Variants in ARNT2 observed in about 807,000 individuals in gnomAD.
ARNT2 encodes ARNT protein 2.
Under a neutral mutation model 91.7 loss-of-function variants are expected in ARNT2, and 36 were observed. The ratio of observed to expected loss-of-function variants is 0.39; its 90% CI spans 0.30 to 0.52. ARNT2 has a LOEUF of 0.52. ARNT2 is among the 20% of genes least tolerant of loss of function. The pLI, the probability that ARNT2 is intolerant of heterozygous loss-of-function variation, is 0.72. For synonymous variants in ARNT2, 365 were observed against 347.1 expected (o/e 1.05, Z -0.57); for missense variants, 775 against 939.3 (o/e 0.83, Z 2.29).
At chr15:80,441,166 ATAAATTGATCAG>A (rs1343240083) in intron 1 of ARNT2, 10 of 970,750 alleles carry the variant, frequency 1.0e-5, no homozygotes, top group Non-Finnish European at 1.2e-5. Flanking sequence ...TTTGCTGCAA[ATAAATTGATCAG>A]TATGCAAGAC....
intron 2 of ARNT2, among the ~76,000 whole-genome samples, chr15:80,457,462 C>G (rs1896496958): frequency 6.6e-6 from 1 of 152,196 alleles, no homozygotes; most frequent in Non-Finnish European, 1.5e-5. Flanking sequence ...ACCCTGAAAA[C>G]TTCTGTTTTC....
chr15:80,582,957 A>G (rs1183031631), intron 17 of ARNT2, among the ~76,000 whole-genome samples: 1 of 152,146 alleles, frequency 6.6e-6, no homozygotes, highest in Non-Finnish European at 1.5e-5. Context: ...GGTGGGCCTC[A>G]TAGACTCAAG....
intron 1 of ARNT2, among the ~76,000 whole-genome samples, chr15:80,416,306 GTCTC>G (rs943652525): frequency 7.5e-5 from 11 of 147,386 alleles, no homozygotes; most frequent in Non-Finnish European, 1.3e-4. Flanking sequence ...TTTTTTCTCT[GTCTC>G]TCTCTCTCTC....
intron 5 of ARNT2, among the ~76,000 whole-genome samples, chr15:80,495,497 C>A (rs1283660697): frequency 6.6e-6 from 1 of 152,202 alleles, no homozygotes; most frequent in East Asian, 1.9e-4. Context: ...TTTTCCTAGG[C>A]AGTTCCGGGA....
chr15:80,529,215 T>C (rs1036847805), intron 8 of ARNT2, among the ~76,000 whole-genome samples: 4 of 152,236 alleles, frequency 2.6e-5, no homozygotes, highest in Non-Finnish European at 5.9e-5. Flanking sequence ...TTGCCATTGC[T>C]AGCCTGCCCT....
chr15:80,482,725 C>G (rs1896909028), intron 5 of ARNT2, among the ~76,000 whole-genome samples: 1 of 151,980 alleles, frequency 6.6e-6, no homozygotes, highest in Non-Finnish European at 1.5e-5. Context: ...CCTGTGTAGT[C>G]TAGTGGAGCA....
intron 7 of ARNT2, 152 bp downstream of exon 7, chr15:80,514,128 C>G: frequency 1.0e-6 from 1 of 964,758 alleles, no homozygotes; most frequent in Non-Finnish European, 1.6e-6. Flanking sequence ...TGAGAGAGAA[C>G]AGGGAGTTGG....
At chr15:80,420,842 C>A (rs77564310) in intron 1 of ARNT2, among the ~76,000 whole-genome samples, 20,536 of 152,030 alleles carry the variant, frequency 0.14, 1,744 homozygotes, top group Non-Finnish European at 0.19. Context: ...AAAGCACGGA[C>A]CTTGGGTAAC....
intron 10 of ARNT2, 111 bp from the exon 11 acceptor site, chr15:80,554,954 G>A: frequency 1.6e-6 from 2 of 1,220,274 alleles, no homozygotes; most frequent in Admixed American, 1.7e-5. Context: ...GGTGGGACAG[G>A]CTAAAGGAGA....
chr15:80,568,946 A>C (rs1018726376), intron 12 of ARNT2, among the ~76,000 whole-genome samples: 2 of 152,148 alleles, frequency 1.3e-5, no homozygotes, highest in African/African-American at 2.4e-5. Flanking sequence ...GCGCACACAC[A>C]CGCGCGTGCA....
intron 1 of ARNT2, among the ~76,000 whole-genome samples, chr15:80,412,491 A>G (rs1251211479): frequency 1.2e-5 from 1 of 85,954 alleles, no homozygotes; most frequent in African/African-American, 4.0e-5. Flanking sequence ...TTTTTTCTAA[A>G]TATTGTGTGT....
rs141580271 is a variant in ARNT2 at position 80,562,946 on chromosome 15, CTCTTACTG to C, written c.1165-137_1165-130del. 1.7e-3 allele frequency: 1,541 copies of C among 899,650 alleles called. 18 individuals carry two copies. In the African/African-American group the frequency reaches 0.021, roughly 13 times the overall value. 55.7% of individuals were successfully genotyped at this position (899,650 alleles called of 1,614,324 possible). ...TTCCCATTGCAAAACTGCTCTCCCT[CTCTTACTG>C]TCTTTTAGCCACAATGCCCCTATTC... On this transcript the variant is annotated intron_variant, in intron 11 of 18. Transcript: ENST00000303329.
Position 80,404,632 on chromosome 15 carries a change from C to CG in ARNT2, c.31+91dup. 1 of 919,892 alleles carries CG rather than the reference C, an allele frequency of 1.1e-6. No homozygotes were observed. The highest frequency in any genetic ancestry group is 1.1e-4 in the East Asian group (1 of 9,218). 57.0% of individuals were successfully genotyped at this position (919,892 alleles called of 1,614,324 possible). A position where few individuals can be genotyped will look rare whatever the true frequency, so the allele number is the denominator to read the frequency against. On this transcript the variant is annotated intron_variant, in intron 1 of 18. Coordinates refer to ENST00000303329, the MANE Select transcript of ARNT2 (RefSeq NM_014862.4). This position sits in a 1 kb window ranked among gnomAD's most constrained non-coding sequence, Gnocchi z 5.5. ...GCGGACCAGGCGCGCCGGGCGCCCC[C>CG]GGGGGCGCGGAGCCGCAGCTCGGCG...
At chr15:80,491,927 A>G (rs1897062750) in intron 5 of ARNT2, among the ~76,000 whole-genome samples, 1 of 151,926 alleles carries the variant, frequency 6.6e-6, no homozygotes, top group South Asian at 2.1e-4. Flanking sequence ...TTCACTGAAA[A>G]GACAATTCTT....
chr15:80,592,186 C>T (rs752717901), intron 18 of ARNT2, among the ~76,000 whole-genome samples: 9 of 152,142 alleles, frequency 5.9e-5, no homozygotes, highest in African/African-American at 7.2e-5. Flanking sequence ...GGAGAGTCCC[C>T]GATTGAGGAT....
chr15:80,515,935 T>C (rs1190326626), intron 8 of ARNT2, among the ~76,000 whole-genome samples: 1 of 150,600 alleles, frequency 6.6e-6, no homozygotes, highest in Non-Finnish European at 1.5e-5. Context: ...AAAGGCATGA[T>C]CAGGGCTCAC....
chr15:80,439,303 G>A (rs1896149248), intron 1 of ARNT2, among the ~76,000 whole-genome samples: 1 of 152,170 alleles, frequency 6.6e-6, no homozygotes, highest in African/African-American at 2.4e-5. Context: ...AGATGGTGGT[G>A]ACCTGAGTAT....
At chr15:80,549,246 A>C (rs1279784980) in intron 8 of ARNT2, among the ~76,000 whole-genome samples, 1 of 152,212 alleles carries the variant, frequency 6.6e-6, no homozygotes, top group African/African-American at 2.4e-5. Context: ...TAGGGATCTA[A>C]ATGTGAAAAA....
intron 1 of ARNT2, among the ~76,000 whole-genome samples, chr15:80,450,579 C>T (rs1212005021): frequency 6.6e-6 from 1 of 152,240 alleles, no homozygotes; most frequent in Admixed American, 6.5e-5. Flanking sequence ...TCCAGGTGGT[C>T]AGGAGACAGG....
Sources: allele counts gnomAD v4.1 joint callset (sites outside exome capture counted in the v4.1 genomes callset), GRCh38; gene constraint gnomAD v4.1.1; non-coding constraint Gnocchi (gnomAD v3.1); transcripts MANE v1.5; gene names NCBI Gene and HGNC (gene_info 2026-07-23, HGNC 2026-07-21).